The following MDGA2 variants were observed in gnomAD, a reference collection of about 807,000 sequenced individuals.
MDGA2 encodes MAM domain containing glycosylphosphatidylinositol anchor 2.
MDGA2 carries 40 observed loss-of-function variants against 117.8 expected under a neutral mutation model. The ratio of observed to expected loss-of-function variants is 0.34; its 90% CI spans 0.26 to 0.44. MDGA2 has a LOEUF of 0.44. Ranked by LOEUF, MDGA2 falls within the 20% of genes least tolerant of loss-of-function variation. The pLI, the probability that MDGA2 is intolerant of heterozygous loss-of-function variation, is 1.00. For synonymous variants in MDGA2, 452 were observed against 439.0 expected (o/e 1.03, Z -0.37); for missense variants, 1,123 against 1,250.6 (o/e 0.90, Z 1.54).
At chr14:47,656,648 C>T (rs543192186) in intron 1 of MDGA2, among the ~76,000 whole-genome samples, 34 of 152,234 alleles carry the variant, frequency 2.2e-4, no homozygotes, top group African/African-American at 7.5e-4. Flanking sequence ...AACAGGCATG[C>T]AAATGTACCT....
chr14:47,171,012 T>C (rs1040829520), intron 3 of MDGA2, among the ~76,000 whole-genome samples: 5 of 152,194 alleles, frequency 3.3e-5, no homozygotes, highest in Non-Finnish European at 2.9e-5. Flanking sequence ...ACATTAGATA[T>C]TGGCTTAATA....
intron 8 of MDGA2, among the ~76,000 whole-genome samples, chr14:46,965,588 A>G (rs954202392): frequency 6.6e-6 from 1 of 152,180 alleles, no homozygotes; most frequent in Non-Finnish European, 1.5e-5. Context: ...CGCACTCATT[A>G]TAGTGCACTC....
chr14:47,031,578 TA>T (rs1888667927), intron 8 of MDGA2, among the ~76,000 whole-genome samples: 1 of 152,028 alleles, frequency 6.6e-6, no homozygotes, highest in Non-Finnish European at 1.5e-5. Flanking sequence ...ACTTAAGTAA[TA>T]AAAAAACAGC....
chr14:47,318,362 T>G (rs957531815), intron 1 of MDGA2, among the ~76,000 whole-genome samples: 3 of 152,154 alleles, frequency 2.0e-5, no homozygotes, highest in Admixed American at 2.0e-4. Flanking sequence ...CCAAGGCCTT[T>G]GCATGCATGT....
At chr14:47,578,437 T>G (rs1055279509) in intron 1 of MDGA2, among the ~76,000 whole-genome samples, 1 of 151,922 alleles carries the variant, frequency 6.6e-6, no homozygotes, top group Admixed American at 6.6e-5. Flanking sequence ...AAAAAAGAAA[T>G]AAACTGCTTG....
At position 46,855,185 on chromosome 14, in the gene MDGA2, T is replaced by C; in HGVS notation, c.2753-31A>G. 6.3e-7 allele frequency: 1 copy of C among 1,575,888 alleles called. No homozygotes were observed. The highest frequency in any genetic ancestry group is 8.6e-7 in the Non-Finnish European group (1 of 1,163,588). On this transcript the variant is annotated intron_variant, in intron 14 of 16. Transcript: ENST00000399232. The surrounding 1 kb of genome is among the most constrained non-coding windows in gnomAD (Gnocchi z 4.1). ...AATGACAATAAAATTTTATTTTGCA[T>C]ATTCATTTTCACCTCAAATTTGTTT...
chr14:46,852,281 G>A (rs1469932042), intron 15 of MDGA2, among the ~76,000 whole-genome samples: 2 of 151,418 alleles, frequency 1.3e-5, no homozygotes, highest in African/African-American at 2.4e-5. Context: ...CAGTGTTCAG[G>A]ATACTAGATA....
intron 8 of MDGA2, among the ~76,000 whole-genome samples, chr14:47,032,035 G>T (rs1198209991): frequency 6.6e-6 from 1 of 151,994 alleles, no homozygotes; most frequent in Non-Finnish European, 1.5e-5. Flanking sequence ...GCATTTTTTT[G>T]TGTGTTTACA....
chr14:47,209,611 C>T (rs535179219), intron 3 of MDGA2, among the ~76,000 whole-genome samples: 9 of 152,192 alleles, frequency 5.9e-5, no homozygotes, highest in South Asian at 2.1e-4. Flanking sequence ...CTTCTGAACA[C>T]GAATCAGTAA....
chr14:46,971,592 A>G (rs568059896), intron 8 of MDGA2, among the ~76,000 whole-genome samples: 1 of 152,180 alleles, frequency 6.6e-6, no homozygotes, highest in African/African-American at 2.4e-5. Flanking sequence ...TATGTTGATT[A>G]GTGGGTACAA....
chr14:47,459,140 G>A (rs1893427194), intron 1 of MDGA2, among the ~76,000 whole-genome samples: 1 of 151,810 alleles, frequency 6.6e-6, no homozygotes, highest in South Asian at 2.1e-4. Context: ...AAGGAAATGT[G>A]ATGCCATCAA....
intron 3 of MDGA2, among the ~76,000 whole-genome samples, chr14:47,171,470 T>C (rs1028238433): frequency 2.6e-5 from 4 of 152,218 alleles, no homozygotes. Context: ...GCAATTTATA[T>C]GAAAAATGTA....
chr14:47,307,183 C>T (rs1889479916), intron 1 of MDGA2, among the ~76,000 whole-genome samples: 2 of 152,050 alleles, frequency 1.3e-5, no homozygotes, highest in South Asian at 4.1e-4. Flanking sequence ...TGGTGGCTTC[C>T]ATTCTTTTCT....
chr14:47,153,855 A>G (rs558428706), intron 3 of MDGA2, among the ~76,000 whole-genome samples: 1 of 152,146 alleles, frequency 6.6e-6, no homozygotes, highest in Non-Finnish European at 1.5e-5. Flanking sequence ...AGAGCAGAAT[A>G]AGTGGTGAAA....
At chr14:47,352,054 A>T (rs866696206) in intron 1 of MDGA2, among the ~76,000 whole-genome samples, 2 of 152,160 alleles carry the variant, frequency 1.3e-5, no homozygotes, top group Admixed American at 1.3e-4. Flanking sequence ...CCTCTTATAT[A>T]AAGTAGGCAA....
intron 10 of MDGA2, among the ~76,000 whole-genome samples, chr14:46,892,827 A>G (rs1051086379): frequency 5.3e-5 from 8 of 152,012 alleles, no homozygotes; most frequent in Non-Finnish European, 1.0e-4. Context: ...ATCTGTTGGC[A>G]TGACTATTAT....
At chr14:47,495,948 CTAATT>C (rs1165721717) in intron 1 of MDGA2, among the ~76,000 whole-genome samples, 1 of 151,778 alleles carries the variant, frequency 6.6e-6, no homozygotes, top group Admixed American at 6.6e-5. Context: ...TTATTTCACC[CTAATT>C]TTATTTTAAT....
chr14:47,349,165 G>A (rs1335239217), intron 1 of MDGA2, among the ~76,000 whole-genome samples: 2 of 152,258 alleles, frequency 1.3e-5, no homozygotes, highest in East Asian at 1.9e-4. Flanking sequence ...AGTGATGAAC[G>A]AAGAAATACA....
chr14:46,945,319 T>C (rs1342062138), intron 9 of MDGA2, among the ~76,000 whole-genome samples: 1 of 152,122 alleles, frequency 6.6e-6, no homozygotes, highest in Non-Finnish European at 1.5e-5. Flanking sequence ...AGAATAAGTC[T>C]TTACTCTGAC....
Sources: gnomAD v4.1 joint callset for allele counts (sites outside exome capture counted in the v4.1 genomes callset) on GRCh38, gnomAD v4.1.1 for gene constraint, Gnocchi (gnomAD v3.1) non-coding constraint, MANE v1.5 for transcripts, NCBI Gene and HGNC (gene_info 2026-07-23, HGNC 2026-07-21) for gene names.